UBR1: variants seen among roughly 807,000 people sequenced by gnomAD.
UBR1 encodes the protein E3 ubiquitin-protein ligase UBR1.
In UBR1, 102 loss-of-function variants were observed where a neutral mutation model predicts 242.1. That is an observed-to-expected ratio of 0.42 (90% CI 0.36 to 0.50). UBR1 has a LOEUF of 0.50. Among genes scored for constraint, UBR1 ranks in the 20% least tolerant of loss-of-function variants. UBR1 has a pLI of 0.01. For missense variants in UBR1, 1,772 were observed against 2,101.8 expected (o/e 0.84, Z 3.07); for synonymous variants, 675 against 684.8 (o/e 0.99, Z 0.22).
chr15:42,970,639 T>A, intron 39 of UBR1, 32 bp from the exon 40 acceptor site: 1 of 1,572,084 alleles, frequency 6.4e-7, no homozygotes, highest in Non-Finnish European at 8.7e-7. Context: ...ATGAATTATG[T>A]ATTTGCTATT....
chr15:43,021,190 TG>T, intron 27 of UBR1, 84 bp downstream of exon 27: 1 of 1,038,322 alleles, frequency 9.6e-7, no homozygotes, highest in Non-Finnish European at 1.5e-6. Context: ...ATGTCTACAA[TG>T]GTACAGTGGT....
chr15:43,043,380 CAAGT>C lies in UBR1; in HGVS notation c.1680_1683del (p.Leu561TrpfsTer10). 1.2e-6 allele frequency: 2 copies of C among 1,613,956 alleles called. No homozygotes were observed. The highest frequency in any genetic ancestry group is 1.7e-6 in the Non-Finnish European group (2 of 1,179,996). ...GCTTTGTGACATTCTTTATAAGCCACAAGTAAGAGTTCTTCCTAAGAGGAAAATA... is the reference window on the plus strand; with the variant it reads ...GCTTTGTGACATTCTTTATAAGCCACAAGAGTTCTTCCTAAGAGGAAAATA... On this transcript the variant is annotated frameshift_variant, in exon 15 of 47. Transcript: ENST00000290650. LOFTEE classifies it high-confidence loss of function.
intron 30 of UBR1, among the ~76,000 whole-genome samples, chr15:43,005,485 C>T (rs1268322944): frequency 2.0e-5 from 3 of 151,076 alleles, no homozygotes; most frequent in Non-Finnish European, 4.4e-5. Context: ...GCAGCCCCTG[C>T]CCAGCCAGCC....
chr15:42,969,327 T>C (rs1409842094), intron 40 of UBR1, among the ~76,000 whole-genome samples: 2 of 152,250 alleles, frequency 1.3e-5, no homozygotes, highest in Non-Finnish European at 1.5e-5. Flanking sequence ...TTGAAAAGTG[T>C]CTGTTCATAT....
intron 10 of UBR1, among the ~76,000 whole-genome samples, chr15:43,057,530 G>C (rs1489363218): frequency 6.6e-6 from 1 of 152,030 alleles, no homozygotes; most frequent in East Asian, 1.9e-4. Context: ...AATCTAATTT[G>C]GTAGATAGAC....
In UBR1 at chr15:42,977,915, G is replaced by A; in HGVS notation, c.4183C>T (p.Pro1395Ser). Residue 1395 changes from proline (P) to serine (S), a missense_variant, in exon 38 of 47, where the codon CCA becomes TCA. Coordinates refer to ENST00000290650, the MANE Select transcript of UBR1 (RefSeq NM_174916.3). ...AACAGATCTATAGACAGAAGGCATG[G>A]TGTATCTTCTGATTTTATGTTAGGA... ...VLPNIKSEDT[P>S]CLLSIDLFHV... 1.2e-6 allele frequency: 2 copies of A among 1,613,250 alleles called. No homozygotes were observed. Among genetic ancestry groups the A allele is most frequent in the African/African-American group, 1.3e-5 (1 of 74,998 alleles).
At chr15:42,974,475 A>G (rs2032257357) in intron 39 of UBR1, among the ~76,000 whole-genome samples, 1 of 152,194 alleles carries the variant, frequency 6.6e-6, no homozygotes, top group South Asian at 2.1e-4. Context: ...CTGTAGCTTT[A>G]TAGTAAGTCC....
At position 42,943,697 on chromosome 15, in the gene UBR1, A is replaced by G. The variant is rs951110594; in HGVS notation, c.*1632T>C. The stretch of plus-strand genomic sequence containing the variant: ...ATTTCCCAGTCAAACAATCCACTCA[A>G]TACAATTATATAAGAAACAAACACA... On this transcript the variant is annotated 3_prime_UTR_variant, in exon 47 of 47. Transcript: ENST00000290650. 7 of 152,206 alleles carry G rather than the reference A, an allele frequency of 4.6e-5. No individual in the cohort carries two copies. The highest frequency in any genetic ancestry group is 2.1e-4 in the South Asian group (1 of 4,836). 9.4% of individuals were successfully genotyped at this position (152,206 alleles called of 1,614,324 possible). A position where few individuals can be genotyped will look rare whatever the true frequency, so the allele number is the denominator to read the frequency against.
chr15:42,964,805 T>C (rs1421746406), intron 41 of UBR1, among the ~76,000 whole-genome samples: 1 of 152,196 alleles, frequency 6.6e-6, no homozygotes, highest in Admixed American at 6.6e-5. Flanking sequence ...CCTTCAACTG[T>C]CTGTTCAACT....
Position 42,952,360 on chromosome 15 carries a change from G to C in UBR1, c.4924C>G (p.Gln1642Glu), listed in dbSNP as rs1478610681. The C allele has an allele frequency of 1.2e-6, 2 of 1,614,078 alleles. No homozygotes were observed. Among genetic ancestry groups the C allele is most frequent in the African/African-American group, 2.7e-5 (2 of 74,928 alleles). ...AILCSQNICC[Q>E]EIVNGEEVGA... Reference sequence around the variant, plus strand: ...ACCTCTTCCCCGTTCACAATTTCCTGGCAGCAAATGTTCTGAGAACATAGT... The same window carrying C: ...ACCTCTTCCCCGTTCACAATTTCCTCGCAGCAAATGTTCTGAGAACATAGT... The change falls in exon 45 of 47, where the codon CAG becomes GAG. Residue 1642 changes from glutamine (Q) to glutamate (E), a missense_variant. Physicochemically the swap from Gln to Glu is conservative, Grantham distance 29. Coordinates refer to ENST00000290650, the MANE Select transcript of UBR1 (RefSeq NM_174916.3).
chr15:43,022,658 G>C (rs771483667), intron 26 of UBR1, 44 bp downstream of exon 26: 1 of 1,392,916 alleles, frequency 7.2e-7, no homozygotes, highest in Non-Finnish European at 1.0e-6. Flanking sequence ...TTAAGATCTA[G>C]ACTTTCAATG....
chr15:43,056,320 T>C, intron 11 of UBR1, 24 bp downstream of exon 11: 1 of 1,541,790 alleles, frequency 6.5e-7, no homozygotes, highest in African/African-American at 1.4e-5. Context: ...TTAGAAAGAC[T>C]GAAAAGGAAT....
rs2032295498 is a variant in UBR1, at chr15:42,976,735, G to C, written c.4351C>G (p.Leu1451Val). 6.2e-7 allele frequency: 1 copy of C among 1,613,946 alleles called. No homozygotes were observed. The highest frequency in any genetic ancestry group is 8.5e-7 in the Non-Finnish European group (1 of 1,179,994). The stretch of plus-strand genomic sequence containing the variant: ...ACCTTACCTGTGTCTACTGTAAGTA[G>C]TATCTGAAGCATGTGTGCCATGGTG... ...LITMAHMLQI[L>V]LTVDTGLPLA... is the part of the protein sequence containing the mutation. Residue 1451 changes from leucine (L) to valine (V), a missense_variant, in exon 39 of 47, where the codon CTA (leucine) becomes GTA (valine). Around this residue, in one of 3 missense-constraint regions of UBR1, gnomAD observed 965 missense variants for 1,079.7 expected, o/e 0.89. Coordinates refer to ENST00000290650, the MANE Select transcript of UBR1 (RefSeq NM_174916.3).
chr15:43,048,401 G>A lies in UBR1; in HGVS notation c.1530C>T (p.Thr510=), dbSNP rs773424025. 7 of 1,611,660 alleles carry A rather than the reference G, an allele frequency of 4.3e-6. No individual in the cohort carries two copies. Among genetic ancestry groups the A allele is most frequent in the Non-Finnish European group, 5.1e-6 (6 of 1,178,564 alleles). ...EGFRSFLKIL[T]CMQGMEEIRR... is the part of the protein sequence containing the mutation. ...AGAAAAATGATCATACCTGCATACA[G>A]GTAAGAATCTTCAAAAAAGATCGAA... The change falls in exon 13 of 47, where the codon ACC becomes ACT. Residue 510 remains threonine (T), a synonymous_variant. Transcript: ENST00000290650.
At chr15:43,102,136 A>C (rs2034245044) in intron 1 of UBR1, among the ~76,000 whole-genome samples, 1 of 152,160 alleles carries the variant, frequency 6.6e-6, no homozygotes, top group African/African-American at 2.4e-5. Context: ...GAATGCTTAA[A>C]CCAAAAACTG....
At chr15:43,104,186 G>A (rs187240714) in intron 1 of UBR1, among the ~76,000 whole-genome samples, 34 of 152,206 alleles carry the variant, frequency 2.2e-4, no homozygotes, top group Admixed American at 9.8e-4. Flanking sequence ...TATTTCCTGA[G>A]GTAAAGAGTT....
At chr15:42,974,675 C>G (rs189542431) in intron 39 of UBR1, among the ~76,000 whole-genome samples, 382 of 152,312 alleles carry the variant, frequency 2.5e-3, no homozygotes, top group Admixed American at 3.9e-3. Flanking sequence ...GTGGTGCAAT[C>G]CCAACTCACT....
intron 46 of UBR1, among the ~76,000 whole-genome samples, chr15:42,949,491 T>C (rs1200240984): frequency 6.6e-6 from 1 of 151,998 alleles, no homozygotes; most frequent in Non-Finnish European, 1.5e-5. Context: ...TTTTTTAAAT[T>C]TGAAGCCATT....
intron 20 of UBR1, among the ~76,000 whole-genome samples, 164 bp downstream of exon 20, chr15:43,032,404 A>C (rs1187897882): frequency 6.6e-6 from 1 of 152,218 alleles, no homozygotes; most frequent in African/African-American, 2.4e-5. Context: ...ACATTTACAA[A>C]TCAGGTACTG....
Sources: allele counts gnomAD v4.1 joint callset (sites outside exome capture counted in the v4.1 genomes callset), GRCh38; gene constraint gnomAD v4.1.1; regional missense constraint gnomAD v4.1.1; transcripts MANE v1.5; gene names NCBI Gene and HGNC (gene_info 2026-07-23, HGNC 2026-07-21).